The following TTN variants were observed in gnomAD, a reference collection of about 807,000 sequenced individuals.
TTN encodes connectin.
In TTN, 1,525 loss-of-function variants were observed where a neutral mutation model predicts 3,223.0. The ratio of observed to expected loss-of-function variants is 0.47; its 90% CI spans 0.45 to 0.49. TTN has a LOEUF of 0.49. Among genes scored for constraint, TTN ranks in the 20% least tolerant of loss-of-function variants. TTN has a pLI of 0.00. For missense variants in TTN, 40,786 were observed against 43,424.0 expected (o/e 0.94, Z 5.40); for synonymous variants, 14,094 against 15,161.0 (o/e 0.93, Z 5.17).
chr2:178,599,549 T>C lies in TTN; in HGVS notation c.56347+5A>G, dbSNP rs754416806. ...GTAATTTTAACCAAACCATGCAGTC[T>C]TTACCCAGGACATTCAGTCTCATCT... On this transcript the variant is annotated splice_donor_5th_base_variant and intron_variant, in intron 289 of 362. Transcript: ENST00000589042. 5.1e-6 allele frequency: 8 copies of C among 1,553,754 alleles called. No individual in the cohort carries two copies. Among genetic ancestry groups the C allele is most frequent in the Non-Finnish European group, 6.9e-6 (8 of 1,151,490 alleles).
chr2:178,538,505 T>C, intron 354 of TTN, 35 bp downstream of exon 354: 1 of 1,566,782 alleles, frequency 6.4e-7, no homozygotes, highest in Non-Finnish European at 8.6e-7. Flanking sequence ...TTGTTTAGTT[T>C]GTAAATCATA....
intron 43 of TTN, among the ~76,000 whole-genome samples, chr2:178,761,718 C>T (rs2089253786): frequency 6.6e-6 from 1 of 152,084 alleles, no homozygotes; most frequent in Non-Finnish European, 1.5e-5. Flanking sequence ...TCCTTAAAGG[C>T]AAGAGCAAGA....
chr2:178,803,879 A>G (rs374940684), intron 2 of TTN, among the ~76,000 whole-genome samples: 1 of 152,182 alleles, frequency 6.6e-6, no homozygotes, highest in Admixed American at 6.5e-5. Flanking sequence ...ATGAGGAAGA[A>G]AAAGAAGGCA....
intron 160 of TTN, 48 bp from the exon 161 acceptor site, chr2:178,667,573 AT>A: frequency 1.3e-6 from 2 of 1,581,332 alleles, no homozygotes; most frequent in South Asian, 2.3e-5. Context: ...GAAGAAAAAT[AT>A]TGAGCTTTTT....
chr2:178,800,362 C>T (rs775606229), intron 4 of TTN, 33 bp downstream of exon 4: 3 of 1,613,834 alleles, frequency 1.9e-6, no homozygotes, highest in African/African-American at 2.7e-5. Flanking sequence ...AGCTCTCTCC[C>T]CTTCTCTCTG....
In TTN at chr2:178,609,298, C is replaced by G; in HGVS notation, c.52012G>C (p.Asp17338His). 1 of 1,600,610 alleles carries G rather than the reference C, an allele frequency of 6.2e-7. No individual in the cohort carries two copies. Among genetic ancestry groups the G allele is most frequent in the Non-Finnish European group, 8.5e-7 (1 of 1,173,482 alleles). ...AGACCATGGTCAGGTCGGAGAGAAT[C>G]TCGGACGCGTAGCTGAGATTCTCCC... Reference protein sequence around the residue: ...KKGESQLRVRDSLRPDHGLYM... With the variant: ...KKGESQLRVRHSLRPDHGLYM... Residue 17338 changes from aspartate to histidine, a missense_variant, in exon 273 of 363, where the codon GAT (aspartate) becomes CAT (histidine). Coordinates refer to ENST00000589042, the MANE Select transcript of TTN (RefSeq NM_001267550.2).
chr2:178,663,908 A>G lies in TTN; in HGVS notation c.36365-6T>C. On this transcript the variant is annotated splice_polypyrimidine_tract_variant and splice_region_variant and intron_variant, in intron 169 of 362. Coordinates refer to ENST00000589042, the MANE Select transcript of TTN (RefSeq NM_001267550.2). Reference sequence around the variant, plus strand: ...CTCTTTGGAAGCTTCTGGCACTTGAAAGATATTAGTGAAATTACATTTAGG... The same window carrying G: ...CTCTTTGGAAGCTTCTGGCACTTGAGAGATATTAGTGAAATTACATTTAGG... 6.2e-7 allele frequency: 1 copy of G among 1,613,396 alleles called. No individual in the cohort carries two copies.
At position 178,547,921 on chromosome 2, in the gene TTN, A is replaced by C. The variant is rs1697879569; in HGVS notation, c.93705T>G (p.Ile31235Met). ...ITCKAGSPFT[I>M]DVPISGRPAP... Reference sequence around the variant, plus strand: ...CAGGACGACCACTGATTGGTACGTCAATGGTAAATGGGCTTCCTGCTTTGC... The same window carrying C: ...CAGGACGACCACTGATTGGTACGTCCATGGTAAATGGGCTTCCTGCTTTGC... Residue 31235 changes from isoleucine (I) to methionine (M), a missense_variant, in exon 339 of 363, where the codon ATT (isoleucine) becomes ATG (methionine). Coordinates refer to ENST00000589042, the MANE Select transcript of TTN (RefSeq NM_001267550.2). The C allele has an allele frequency of 3.1e-6, 5 of 1,613,722 alleles. No individual in the cohort carries two copies. The African/African-American group carries it at 6.7e-5, about 22-fold the overall frequency.
At chr2:178,602,715 G>A in intron 282 of TTN, 125 bp from the exon 283 acceptor site, 1 of 754,060 alleles carries the variant, frequency 1.3e-6, no homozygotes, top group Non-Finnish European at 1.8e-6. Context: ...AATGCTAAAA[G>A]GAAATACAGT....
Position 178,650,669 on chromosome 2 carries a change from G to C in TTN, c.39709+82C>G, listed in dbSNP as rs1053925227. On this transcript the variant is annotated intron_variant, in intron 209 of 362. Transcript: ENST00000589042. ...GGTTAGAAAATGACCAAGAAATAAT[G>C]AGTTAGGAAGGAAGAAGAACAAAGC... is the stretch of plus-strand genomic sequence containing the variant. 1.7e-5 allele frequency: 21 copies of C among 1,255,516 alleles called. 1 individual carries two copies. In the South Asian group the frequency reaches 3.0e-4, roughly 18 times the overall value. 77.8% of individuals were successfully genotyped at this position (1,255,516 alleles called of 1,614,324 possible). A position where few individuals can be genotyped will look rare whatever the true frequency, so the allele number is the denominator to read the frequency against.
At chr2:178,593,132 T>G (rs1442978497) in intron 299 of TTN, 41 bp downstream of exon 299, 2 of 1,610,034 alleles carry the variant, frequency 1.2e-6, no homozygotes, top group Non-Finnish European at 1.7e-6. Flanking sequence ...GAAAACAAAG[T>G]TAGATAACAT....
Position 178,553,983 on chromosome 2 carries a change from C to T in TTN, c.89128G>A (p.Ala29710Thr). 1 of 1,612,752 alleles carries T rather than the reference C, an allele frequency of 6.2e-7. No homozygotes were observed. The highest frequency in any genetic ancestry group is 1.1e-5 in the South Asian group (1 of 91,038). Residue 29710 changes from alanine to threonine, a missense_variant, in exon 333 of 363, where the codon GCT (alanine) becomes ACT (threonine). By Grantham distance (58) the Ala-to-Thr change is moderately conservative (BLOSUM62 0). Coordinates refer to ENST00000589042, the MANE Select transcript of TTN (RefSeq NM_001267550.2). Reference sequence around the variant, plus strand: ...GGACCCTGTCCAGCAGCGTTTACAGCACAAACTCTGTATTGATAGTCACTG... The same window carrying T: ...GGACCCTGTCCAGCAGCGTTTACAGTACAAACTCTGTATTGATAGTCACTG... Reference protein sequence around the residue: ...ENSDYQYRVCAVNAAGQGPFS... With the variant: ...ENSDYQYRVCTVNAAGQGPFS...
Position 178,647,076 on chromosome 2 carries a change from G to C in TTN, c.40210C>G (p.Pro13404Ala). Residue 13404 changes from proline to alanine, a missense_variant, in exon 215 of 363, where the codon CCC becomes GCC. Pro to Ala is a conservative substitution (Grantham distance 27, BLOSUM62 -1). Coordinates refer to ENST00000589042, the MANE Select transcript of TTN (RefSeq NM_001267550.2). ...TATATATATATACCTTCAACAGGGG[G>C]AGTCTCTTTTCTACCAATGGTTATA... ...ASITIGRKETPPVEEREIEKY... is the reference protein window; with the variant it reads ...ASITIGRKETAPVEEREIEKY... 2 of 1,317,754 alleles carry C rather than the reference G, an allele frequency of 1.5e-6. No individual in the cohort carries two copies. Among genetic ancestry groups the C allele is most frequent in the South Asian group, 1.9e-5 (1 of 51,464 alleles). 81.6% of individuals were successfully genotyped at this position (1,317,754 alleles called of 1,614,324 possible). A position where few individuals can be genotyped will look rare whatever the true frequency, so the allele number is the denominator to read the frequency against.
rs555593126 is a variant in TTN, at chr2:178,598,983, T to C, written c.56727A>G (p.Glu18909=). The C allele has an allele frequency of 1.2e-6, 2 of 1,611,852 alleles. No individual in the cohort carries two copies. Among genetic ancestry groups the C allele is most frequent in the Non-Finnish European group, 1.7e-6 (2 of 1,178,980 alleles). The stretch of plus-strand genomic sequence containing the variant: ...CTGTCACAGGAGAGCCTCCATCATA[T>C]TCTGGCTCTTCCCAGTTGACAGTCA... ...NSMTVNWEEP[E]YDGGSPVTGY... Residue 18909 remains glutamate, a synonymous_variant, in exon 291 of 363, where the codon GAA becomes GAG. Coordinates refer to ENST00000589042, the MANE Select transcript of TTN (RefSeq NM_001267550.2).
Position 178,599,226 on chromosome 2 carries a change from A to G in TTN, c.56567T>C (p.Val18856Ala), listed in dbSNP as rs762168752. The G allele has an allele frequency of 2.6e-6, 4 of 1,538,758 alleles. No individual in the cohort carries two copies. The African/African-American group carries it at 5.5e-5, about 21-fold the overall frequency. Residue 18856 changes from valine to alanine, a missense_variant, in exon 290 of 363, where the codon GTA (valine) becomes GCA (alanine). Coordinates refer to ENST00000589042, the MANE Select transcript of TTN (RefSeq NM_001267550.2). ...TTTATTCTGGGCCATGATTCGGAAT[A>G]CATATTCATGGCCTTCTAGCAATTT... ...IPKLLEGHEY[V>A]FRIMAQNKYG...
intron 250 of TTN, chr2:178,619,404 C>T: frequency 3.4e-6 from 2 of 584,366 alleles, no homozygotes; most frequent in South Asian, 4.6e-5. Flanking sequence ...CATGTACTAG[C>T]AACTGTCCAA....
At chr2:178,732,038 C>T (rs2080629067) in intron 57 of TTN, 28 bp downstream of exon 57, 3 of 1,588,424 alleles carry the variant, frequency 1.9e-6, no homozygotes, top group Non-Finnish European at 2.6e-6. Flanking sequence ...ATAACTTTGG[C>T]AACACAAGAG....
At chr2:178,701,040 AT>A in intron 111 of TTN, 79 bp downstream of exon 111, 7 of 1,343,504 alleles carry the variant, frequency 5.2e-6, no homozygotes, top group Non-Finnish European at 6.3e-6. Context: ...TAGAGGGCCA[AT>A]GCGTTGTATT....
In TTN at chr2:178,756,467, G is replaced by C. The variant is rs1402008754; in HGVS notation, c.11009C>G (p.Thr3670Ser). Residue 3670 changes from threonine to serine, a missense_variant, in exon 46 of 363, where the codon ACT becomes AGT. Physicochemically the swap from Thr to Ser is moderately conservative, Grantham distance 58. Transcript: ENST00000589042. ...PKIFLHLQDV[T>S]VKCGDTAQFL... ...TTGAGCCGTGTCACCGCACTTTACA[G>C]TGACGTCCTGAAGATGCAGGAAAAT... is the stretch of plus-strand genomic sequence containing the variant. 4 of 1,613,796 alleles carry C rather than the reference G, an allele frequency of 2.5e-6. No homozygotes were observed. The highest frequency in any genetic ancestry group is 1.3e-5 in the African/African-American group (1 of 75,038).
Sources: gnomAD v4.1 joint callset for allele counts (sites outside exome capture counted in the v4.1 genomes callset) on GRCh38, gnomAD v4.1.1 for gene constraint, MANE v1.5 for transcripts, NCBI Gene and HGNC (gene_info 2026-07-23, HGNC 2026-07-21) for gene names.